ERBB4: variants seen among roughly 807,000 people sequenced by gnomAD.
ERBB4 encodes receptor tyrosine-protein kinase erbB-4.
ERBB4 carries 42 observed loss-of-function variants against 158.0 expected under a neutral mutation model. That is an observed-to-expected ratio of 0.27 (90% CI 0.21 to 0.34). The LOEUF (loss-of-function observed/expected upper bound fraction) is 0.34. Among genes scored for constraint, ERBB4 ranks in the 10% least tolerant of loss-of-function variants. ERBB4 has a pLI of 1.00. For missense variants in ERBB4, 1,333 were observed against 1,624.1 expected (o/e 0.82, Z 3.08); for synonymous variants, 583 against 558.7 (o/e 1.04, Z -0.61).
At chr2:211,915,230 C>A (rs1434541993) in intron 3 of ERBB4, among the ~76,000 whole-genome samples, 1 of 152,086 alleles carries the variant, frequency 6.6e-6, no homozygotes, top group Non-Finnish European at 1.5e-5. Flanking sequence ...CTTTTGATAT[C>A]TGTATGAAGG....
intron 1 of ERBB4, among the ~76,000 whole-genome samples, chr2:212,163,585 T>C (rs1053842147): frequency 2.0e-4 from 31 of 151,848 alleles, no homozygotes. Context: ...GAATAATTTT[T>C]ACTGAGTCAT....
chr2:212,311,251 T>C (rs1416708782), intron 1 of ERBB4, among the ~76,000 whole-genome samples: 1 of 150,672 alleles, frequency 6.6e-6, no homozygotes, highest in South Asian at 2.1e-4. Flanking sequence ...GGAATACTAC[T>C]GGCAGAATAT....
intron 19 of ERBB4, among the ~76,000 whole-genome samples, chr2:211,574,324 T>C (rs572234810): frequency 3.9e-4 from 59 of 152,190 alleles, no homozygotes; most frequent in African/African-American, 1.4e-3. Context: ...CATATAACCA[T>C]GAAGAGTTAA....
At chr2:212,378,071 G>A (rs1560159455) in intron 1 of ERBB4, among the ~76,000 whole-genome samples, 2 of 151,658 alleles carry the variant, frequency 1.3e-5, no homozygotes, top group African/African-American at 4.8e-5. Context: ...TTGTCCCATT[G>A]GAAGGTCTTC....
intron 20 of ERBB4, among the ~76,000 whole-genome samples, chr2:211,513,517 C>T (rs16846352): frequency 0.2 from 30,912 of 151,850 alleles, 6,514 homozygotes; most frequent in African/African-American, 0.54. Flanking sequence ...ATTATTTAGC[C>T]GAGGCTTGTC....
intron 2 of ERBB4, among the ~76,000 whole-genome samples, chr2:212,095,934 CAAAAAAAAAAAGAAAAAA>C (rs1478474721): frequency 1.9e-5 from 1 of 53,108 alleles, no homozygotes. Flanking sequence ...GACTCTGTCT[CAAAAAAAAAAAGAAAAAA>C]AAAAAAAGAA....
In ERBB4 at chr2:212,358,223, T is replaced by C. The variant is rs1159467360; in HGVS notation, c.82+180226A>G. Among the ~76,000 whole-genome samples, 6 of 151,898 alleles carry C rather than the reference T, an allele frequency of 4.0e-5. No homozygotes were observed. The East Asian group carries it at 9.7e-4, about 24-fold the overall frequency. The stretch of plus-strand genomic sequence containing the variant: ...ATTCATAAAATACTTACGTGACCTG[T>C]GCTGATAATATCAGATTAATATTTT... On this transcript the variant is annotated intron_variant, in intron 1 of 27. Transcript: ENST00000342788.
At chr2:211,833,773 TC>T (rs2077276511) in intron 3 of ERBB4, among the ~76,000 whole-genome samples, 1 of 151,958 alleles carries the variant, frequency 6.6e-6, no homozygotes, top group Non-Finnish European at 1.5e-5. Context: ...ACTGAGTCAT[TC>T]TAATATCAAG....
At chr2:211,662,204 C>T (rs2071455721) in intron 15 of ERBB4, among the ~76,000 whole-genome samples, 3 of 150,906 alleles carry the variant, frequency 2.0e-5, no homozygotes, top group South Asian at 4.2e-4. Context: ...GTCTAAAATG[C>T]AGGTTTGGTT....
intron 1 of ERBB4, among the ~76,000 whole-genome samples, chr2:212,190,086 TTAGTCATTGA>T (rs1358629264): frequency 6.6e-6 from 1 of 152,234 alleles, no homozygotes; most frequent in Non-Finnish European, 1.5e-5. Flanking sequence ...ATGTTACTTT[TTAGTCATTGA>T]TAGTTATTAC....
chr2:212,117,183 C>T (rs2079595717), intron 2 of ERBB4, among the ~76,000 whole-genome samples: 1 of 152,110 alleles, frequency 6.6e-6, no homozygotes. Flanking sequence ...TCTCTGTGTC[C>T]TTTTTAGCAT....
At chr2:211,722,998 T>A (rs1174210481) in intron 6 of ERBB4, among the ~76,000 whole-genome samples, 1 of 152,240 alleles carries the variant, frequency 6.6e-6, no homozygotes, top group Non-Finnish European at 1.5e-5. Flanking sequence ...GTGATGGTGA[T>A]TTATATCGGA....
intron 1 of ERBB4, among the ~76,000 whole-genome samples, chr2:212,346,307 G>GC (rs1261428012): frequency 1.3e-5 from 1 of 74,718 alleles, no homozygotes; most frequent in African/African-American, 4.8e-5. Context: ...CCTCAATGAT[G>GC]GCCCCCCCCA....
chr2:212,164,313 A>G (rs2081286066), intron 1 of ERBB4, among the ~76,000 whole-genome samples: 1 of 152,038 alleles, frequency 6.6e-6, no homozygotes, highest in Non-Finnish European at 1.5e-5. Context: ...ACAACAAAAT[A>G]TAAAGTATCG....
chr2:211,884,672 T>G (rs1196284810), intron 3 of ERBB4, among the ~76,000 whole-genome samples: 1 of 152,210 alleles, frequency 6.6e-6, no homozygotes, highest in African/African-American at 2.4e-5. Context: ...TCTGTGACAC[T>G]TGCTTGTCTA....
chr2:211,513,346 A>G (rs2065930732), intron 20 of ERBB4, among the ~76,000 whole-genome samples: 1 of 128,206 alleles, frequency 7.8e-6, no homozygotes, highest in Admixed American at 9.3e-5. Flanking sequence ...CGACAGAGCG[A>G]GACTCCGTCT....
In ERBB4 at chr2:212,509,188, C is replaced by T. The variant is rs552546332; in HGVS notation, c.82+29261G>A. Among the ~76,000 whole-genome samples the T allele has an allele frequency of 1.2e-4, 18 of 152,176 alleles. No individual in the cohort carries two copies. The South Asian group carries it at 2.9e-3, about 24-fold the overall frequency. ...GATGTGTAAGTAATTAAAAACCCTA[C>T]TATTCATGGATAAGGCCAAAGCAAA... On this transcript the variant is annotated intron_variant, in intron 1 of 27. Transcript: ENST00000342788.
intron 3 of ERBB4, among the ~76,000 whole-genome samples, chr2:211,822,493 C>T (rs2077017028): frequency 6.6e-6 from 1 of 151,914 alleles, no homozygotes; most frequent in African/African-American, 2.4e-5. Flanking sequence ...GATGGAGTTG[C>T]AATAACTTTT....
At chr2:211,990,629 T>C (rs1193713872) in intron 2 of ERBB4, among the ~76,000 whole-genome samples, 2 of 151,994 alleles carry the variant, frequency 1.3e-5, no homozygotes, top group African/African-American at 4.8e-5. Context: ...AATAGCTGGT[T>C]ACACCCATGT....
Sources: allele counts gnomAD v4.1 joint callset (sites outside exome capture counted in the v4.1 genomes callset), GRCh38; gene constraint gnomAD v4.1.1; transcripts MANE v1.5; gene names NCBI Gene and HGNC (gene_info 2026-07-23, HGNC 2026-07-21).